The following RGS6 variants were observed in gnomAD, a reference collection of about 807,000 sequenced individuals.
The protein encoded by RGS6 is regulator of G-protein signaling 6.
RGS6 carries 30 observed loss-of-function variants against 78.5 expected under a neutral mutation model. The observed-to-expected ratio is 0.38, with a 90% CI of 0.29 to 0.52. The LOEUF is 0.52. Ranked by LOEUF, RGS6 falls within the 20% of genes least tolerant of loss-of-function variation. The pLI, the probability that RGS6 is intolerant of heterozygous loss-of-function variation, is 0.85. For missense variants in RGS6, 495 were observed against 609.7 expected, an observed-to-expected ratio of 0.81 and a Z score of 1.98; for synonymous variants, 206 against 206.0, an observed-to-expected ratio of 1.00 and a Z score of 0.00.
At chr14:72,101,915 A>T (rs530443034) in intron 2 of RGS6, among the ~76,000 whole-genome samples, 1 of 152,224 alleles carries the variant, frequency 6.6e-6, no homozygotes, top group African/African-American at 2.4e-5. Flanking sequence ...CCTCTTCTCT[A>T]TTACCTGCCT....
chr14:72,284,984 C>A (rs1382412362), intron 2 of RGS6, among the ~76,000 whole-genome samples: 1 of 152,202 alleles, frequency 6.6e-6, no homozygotes, highest in Non-Finnish European at 1.5e-5. Flanking sequence ...TTAGCCCCCT[C>A]ATTTTGGCCA....
At chr14:72,327,400 G>A (rs949840976) in intron 2 of RGS6, among the ~76,000 whole-genome samples, 12 of 152,086 alleles carry the variant, frequency 7.9e-5, no homozygotes, top group Non-Finnish European at 1.0e-4. Context: ...AATGCCCTCC[G>A]CTTCTTTCCC....
chr14:72,265,412 C>T (rs1478603384), intron 2 of RGS6, among the ~76,000 whole-genome samples: 2 of 152,158 alleles, frequency 1.3e-5, no homozygotes. Context: ...GGAGCATGTG[C>T]TGCCAGGTAC....
intron 2 of RGS6, among the ~76,000 whole-genome samples, chr14:72,287,071 A>G (rs73304906): frequency 0.048 from 7,280 of 152,274 alleles, 523 homozygotes; most frequent in African/African-American, 0.16. Flanking sequence ...GGTGCAAACT[A>G]CCACACCTGA....
chr14:72,005,290 T>A (rs1486187315), intron 2 of RGS6, among the ~76,000 whole-genome samples: 2 of 152,206 alleles, frequency 1.3e-5, no homozygotes, highest in Non-Finnish European at 2.9e-5. Context: ...GAATTATGGG[T>A]GAATTTTATT....
At chr14:72,402,303 A>C (rs1433069970) in intron 3 of RGS6, among the ~76,000 whole-genome samples, 1 of 152,228 alleles carries the variant, frequency 6.6e-6, no homozygotes, top group Non-Finnish European at 1.5e-5. Flanking sequence ...TTCCTGCTTC[A>C]AGGGGTTGAG....
chr14:71,961,477 G>T (rs563705115), intron 1 of RGS6, among the ~76,000 whole-genome samples: 2 of 152,268 alleles, frequency 1.3e-5, no homozygotes, highest in South Asian at 4.2e-4. Context: ...TGGGGCTATG[G>T]TGTGTGACAG....
intron 2 of RGS6, among the ~76,000 whole-genome samples, chr14:71,981,961 G>C (rs572016867): frequency 6.6e-6 from 1 of 151,368 alleles, no homozygotes; most frequent in Non-Finnish European, 1.5e-5. Context: ...AGGACCCTCC[G>C]AGCCAGGTGT....
At chr14:72,025,863 G>C (rs2089736980) in intron 2 of RGS6, among the ~76,000 whole-genome samples, 2 of 152,060 alleles carry the variant, frequency 1.3e-5, no homozygotes, top group African/African-American at 4.8e-5. Flanking sequence ...GCCCATGTGT[G>C]GTTATAAAGC....
At chr14:72,256,691 C>T (rs1420588199) in intron 2 of RGS6, among the ~76,000 whole-genome samples, 1 of 152,066 alleles carries the variant, frequency 6.6e-6, no homozygotes, top group Non-Finnish European at 1.5e-5. Context: ...AAACTAAATT[C>T]CTCCCATAGT....
the RGS6 span, among the ~76,000 whole-genome samples, chr14:72,601,025 G>A: frequency 6.7e-6 from 1 of 149,702 alleles, no homozygotes; most frequent in Non-Finnish European, 1.5e-5. Flanking sequence ...AGGAGGAGGG[G>A]GAGGAGGAAG....
intron 17 of RGS6, chr14:72,541,272 A>G: frequency 1.4e-6 from 2 of 1,450,118 alleles, no homozygotes; most frequent in Admixed American, 2.2e-5. Flanking sequence ...GAAAAAGTCT[A>G]AGGCTCCTGG....
At chr14:71,991,278 C>G (rs549211489) in intron 2 of RGS6, among the ~76,000 whole-genome samples, 1 of 152,136 alleles carries the variant, frequency 6.6e-6, no homozygotes, top group Non-Finnish European at 1.5e-5. Context: ...TTGAGTTTGG[C>G]GGCTGTCCAC....
intron 2 of RGS6, among the ~76,000 whole-genome samples, chr14:72,237,667 C>T (rs950134669): frequency 1.3e-5 from 2 of 152,068 alleles, no homozygotes; most frequent in African/African-American, 2.4e-5. Context: ...TTCCCTTGAC[C>T]CCTTTGCAGG....
At chr14:72,296,507 T>G (rs888239744) in intron 2 of RGS6, among the ~76,000 whole-genome samples, 1 of 152,236 alleles carries the variant, frequency 6.6e-6, no homozygotes, top group African/African-American at 2.4e-5. Flanking sequence ...TTATCAGCCT[T>G]TAAAATTTCA....
At chr14:72,060,400 G>C (rs1415322566) in intron 2 of RGS6, among the ~76,000 whole-genome samples, 1 of 125,930 alleles carries the variant, frequency 7.9e-6, no homozygotes. Context: ...TGGTTCATAT[G>C]CTTTTATGTA....
chr14:72,385,313 C>T (rs778567332), intron 3 of RGS6, among the ~76,000 whole-genome samples: 17 of 152,072 alleles, frequency 1.1e-4, no homozygotes, highest in Admixed American at 5.9e-4. Context: ...TAAAAGGGGG[C>T]GTCATTTTTT....
intron 3 of RGS6, among the ~76,000 whole-genome samples, chr14:72,450,411 A>T (rs1047928267): frequency 6.6e-6 from 1 of 152,206 alleles, no homozygotes; most frequent in South Asian, 2.1e-4. Context: ...ACTGCATATC[A>T]TAAATATATC....
At chr14:71,888,866 TCACA>T in the RGS6 span, among the ~76,000 whole-genome samples, 1 of 152,162 alleles carries the variant, frequency 6.6e-6, no homozygotes, top group Non-Finnish European at 1.5e-5. Context: ...TTAAGCATTA[TCACA>T]TCATTGAAAA....
Sources: gnomAD v4.1 joint callset for allele counts (sites outside exome capture counted in the v4.1 genomes callset) on GRCh38, gnomAD v4.1.1 for gene constraint, MANE v1.5 for transcripts, NCBI Gene and HGNC (gene_info 2026-07-23, HGNC 2026-07-21) for gene names.